Variants in OR2AJ1 observed in about 807,000 individuals in gnomAD.
OR2AJ1 encodes the protein olfactory receptor family 2 subfamily AJ member 1, also known as olfactory receptor 2AJ1.
For synonymous variants in OR2AJ1, 105 were observed against 60.3 expected (o/e 1.74, Z -3.44); for missense variants, 280 against 163.2 (o/e 1.72, Z -3.90).
At chr1:247,927,868 T>C (rs1401341190) in intron 1 of OR2AJ1, among the ~76,000 whole-genome samples, 1 of 152,238 alleles carries the variant, frequency 6.6e-6, no homozygotes, top group African/African-American at 2.4e-5. Flanking sequence ...ATTCTTTTTA[T>C]GACTGAATAG....
chr1:247,934,600 T>TA lies in OR2AJ1; in HGVS notation c.833dup (p.Tyr278Ter). Residue 278 changes from tyrosine to a stop codon, truncating the protein, a stop_gained and frameshift_variant, in exon 2 of 2, where the codon TAT (tyrosine) becomes TAAT (stop). Coordinates refer to ENST00000318244, the MANE Select transcript of OR2AJ1 (RefSeq NM_001355235.2). LOFTEE classifies it low-confidence loss of function (END_TRUNC). ...PGQDKFLAIFYTILTPTLNPF... is the reference protein window; with the variant it reads ...PGQDKFLAIF ...CCAGGATAAGTTCCTGGCAATATTC[T>TA]ATACGATCCTCACACCCACACTCAA... 3 of 717,938 alleles carry TA rather than the reference T, an allele frequency of 4.2e-6. No homozygotes were observed. Among genetic ancestry groups the TA allele is most frequent in the Non-Finnish European group, 7.8e-6 (3 of 385,196 alleles). 44.5% of individuals were successfully genotyped at this position (717,938 alleles called of 1,614,324 possible).
rs1416011893 is a variant in OR2AJ1 at position 247,933,974 on chromosome 1, T to C, written c.206T>C (p.Met69Thr). The C allele has an allele frequency of 1.4e-6, 1 of 717,690 alleles. No individual in the cohort carries two copies. The highest frequency in any genetic ancestry group is 2.0e-5 in the Admixed American group (1 of 50,028). 44.5% of individuals were successfully genotyped at this position (717,690 alleles called of 1,614,324 possible). Reference sequence around the variant, plus strand: ...TTTCTGCTCAGCCATCTCTCCTTAATGGATATCTTGCATGTTTCCAACATC... The same window carrying C: ...TTTCTGCTCAGCCATCTCTCCTTAACGGATATCTTGCATGTTTCCAACATC... ...MYFLLSHLSL[M>T]DILHVSNIVP... Residue 69 changes from methionine (M) to threonine (T), a missense_variant, in exon 2 of 2, where the codon ATG (methionine) becomes ACG (threonine). Met to Thr is a moderately conservative substitution (Grantham distance 81). Transcript: ENST00000318244.
rs776015275 is a variant in OR2AJ1 at position 247,934,032 on chromosome 1, C to T, written c.264C>T (p.Gly88=). 2.8e-6 allele frequency: 2 copies of T among 717,504 alleles called. No homozygotes were observed. The highest frequency in any genetic ancestry group is 3.0e-5 in the South Asian group (2 of 67,610). 44.4% of individuals were successfully genotyped at this position (717,504 alleles called of 1,614,324 possible). A position where few individuals can be genotyped will look rare whatever the true frequency, so the allele number is the denominator to read the frequency against. Residue 88 remains glycine, a synonymous_variant, in exon 2 of 2, where the codon GGC becomes GGT. Transcript: ENST00000318244. ...AAATGGTCACTAACTTTCTGTCAGGCAGCAGAACTATTTCATTTGCAGGTT... is the reference window on the plus strand; with the variant it reads ...AAATGGTCACTAACTTTCTGTCAGGTAGCAGAACTATTTCATTTGCAGGTT... ...VPKMVTNFLS[G]SRTISFAGCG...
At chr1:247,926,350 G>A (rs12753794) in intron 1 of OR2AJ1, among the ~76,000 whole-genome samples, 108,106 of 152,086 alleles carry the variant, frequency 0.71, 38,919 homozygotes, top group Middle Eastern at 0.78. Context: ...ATTAACACAC[G>A]ATAATCCAAA....
intron 1 of OR2AJ1, among the ~76,000 whole-genome samples, chr1:247,932,730 C>T (rs965207281): frequency 5.3e-5 from 8 of 151,934 alleles, no homozygotes; most frequent in South Asian, 2.1e-4. Context: ...TTATAATTTA[C>T]GTATTAATAT....
At chr1:247,928,451 G>C (rs779894793) in intron 1 of OR2AJ1, among the ~76,000 whole-genome samples, 5 of 152,122 alleles carry the variant, frequency 3.3e-5, no homozygotes, top group South Asian at 2.1e-4. Context: ...AATTTTGCAG[G>C]GTGTTTTTTC....
intron 1 of OR2AJ1, among the ~76,000 whole-genome samples, chr1:247,926,153 ATAACT>A (rs961604706): frequency 8.5e-5 from 13 of 152,304 alleles, no homozygotes; most frequent in South Asian, 2.1e-4. Flanking sequence ...ATTATTTGAA[ATAACT>A]TAAAATAAAT....
At chr1:247,930,029 A>G (rs1166891432) in intron 1 of OR2AJ1, among the ~76,000 whole-genome samples, 1 of 152,206 alleles carries the variant, frequency 6.6e-6, no homozygotes, top group Non-Finnish European at 1.5e-5. Context: ...TGCCTGTCCT[A>G]TGAAATTCCA....
chr1:247,929,499 A>G (rs1424701623), intron 1 of OR2AJ1, among the ~76,000 whole-genome samples: 1 of 152,074 alleles, frequency 6.6e-6, no homozygotes, highest in Non-Finnish European at 1.5e-5. Flanking sequence ...GAGTAAGAAT[A>G]TAGTAATTAT....
At position 247,931,290 on chromosome 1, in the gene OR2AJ1, C is replaced by A. The variant is rs1328916770; in HGVS notation, c.-22-2457C>A. On this transcript the variant is annotated intron_variant, in intron 1 of 1. Coordinates refer to ENST00000318244, the MANE Select transcript of OR2AJ1 (RefSeq NM_001355235.2). ...GTCAAAGAGTTTCCTGTGTGGGGAA[C>A]AAGCTATAGGATAGGTGACACGTAT... Among the ~76,000 whole-genome samples, 3 of 152,134 alleles carry A rather than the reference C, an allele frequency of 2.0e-5. No homozygotes were observed. The East Asian group carries it at 5.8e-4, about 29-fold the overall frequency.
At chr1:247,929,628 G>GTGTGTGTA (rs1264558634) in intron 1 of OR2AJ1, among the ~76,000 whole-genome samples, 5 of 150,906 alleles carry the variant, frequency 3.3e-5, no homozygotes, top group Non-Finnish European at 4.4e-5. Flanking sequence ...GTGTGTGTGT[G>GTGTGTGTA]TGTTTGCAGT....
intron 1 of OR2AJ1, among the ~76,000 whole-genome samples, chr1:247,929,599 G>GGTCT (rs138586638): frequency 0.027 from 3,968 of 147,420 alleles, 188 homozygotes; most frequent in African/African-American, 0.092. Flanking sequence ...CCCTTCACTC[G>GGTCT]GTGTGTGTGT....
intron 1 of OR2AJ1, among the ~76,000 whole-genome samples, chr1:247,930,369 T>G (rs1660138460): frequency 6.6e-6 from 1 of 152,212 alleles, no homozygotes; most frequent in Admixed American, 6.5e-5. Flanking sequence ...TTAGTTGAAC[T>G]AAGTCTAAAT....
At chr1:247,931,518 C>G (rs1161238036) in intron 1 of OR2AJ1, among the ~76,000 whole-genome samples, 1 of 152,060 alleles carries the variant, frequency 6.6e-6, no homozygotes, top group Non-Finnish European at 1.5e-5. Flanking sequence ...TGAGGTGCCT[C>G]ATAGTAGTGG....
chr1:247,932,509 T>A (rs1446054499), intron 1 of OR2AJ1, among the ~76,000 whole-genome samples: 2 of 152,342 alleles, frequency 1.3e-5, no homozygotes, highest in Middle Eastern at 3.4e-3. Context: ...TTATGAAGAA[T>A]CTCAATATTC....
At chr1:247,929,421 C>T (rs1054326901) in intron 1 of OR2AJ1, among the ~76,000 whole-genome samples, 1 of 152,086 alleles carries the variant, frequency 6.6e-6, no homozygotes, top group Non-Finnish European at 1.5e-5. Flanking sequence ...TTTTCCTCTC[C>T]CTAGCTATCT....
chr1:247,925,731 A>G (rs889272620), intron 1 of OR2AJ1, among the ~76,000 whole-genome samples: 13 of 152,138 alleles, frequency 8.5e-5, no homozygotes, highest in Non-Finnish European at 1.6e-4. Context: ...CAGGGAATTA[A>G]CTTAATTGTC....
chr1:247,926,017 T>G (rs1183384160), intron 1 of OR2AJ1, among the ~76,000 whole-genome samples: 1 of 152,222 alleles, frequency 6.6e-6, no homozygotes, highest in Non-Finnish European at 1.5e-5. Context: ...ACATACATAA[T>G]GTACTAAAGT....
chr1:247,931,479 A>G (rs1660152296), intron 1 of OR2AJ1, among the ~76,000 whole-genome samples: 1 of 152,210 alleles, frequency 6.6e-6, no homozygotes, highest in Non-Finnish European at 1.5e-5. Context: ...TGGTTAAGCC[A>G]AGAGATATGA....
Sources: gnomAD v4.1 joint callset for allele counts (sites outside exome capture counted in the v4.1 genomes callset) on GRCh38, gnomAD v4.1.1 for gene constraint, MANE v1.5 for transcripts, NCBI Gene and HGNC (gene_info 2026-07-23, HGNC 2026-07-21) for gene names.